Variants in MPP7 observed in about 807,000 individuals in gnomAD.
MPP7 encodes MAGUK p55 subfamily member 7.
MPP7 carries 60 observed loss-of-function variants against 76.5 expected under a neutral mutation model. The observed-to-expected ratio is 0.78, with a 90% CI of 0.64 to 0.97. The LOEUF (loss-of-function observed/expected upper bound fraction) is 0.97, where lower values mean the gene tolerates loss of function less well. Among genes scored for constraint, MPP7 ranks in the 50% least tolerant of loss-of-function variants. The pLI is 0.00. For synonymous variants in MPP7, 237 were observed against 244.5 expected, an observed-to-expected ratio of 0.97 and a Z score of 0.29; for missense variants, 641 against 694.0, an observed-to-expected ratio of 0.92 and a Z score of 0.86.
At chr10:28,325,099 G>T (rs766177322) in intron 2 of MPP7, among the ~76,000 whole-genome samples, 2 of 152,052 alleles carry the variant, frequency 1.3e-5, no homozygotes, top group African/African-American at 2.4e-5. Context: ...CCACTATATT[G>T]CCCAGGCTGG....
chr10:28,219,060 T>C (rs2134054291), intron 2 of MPP7, among the ~76,000 whole-genome samples: 1 of 152,344 alleles, frequency 6.6e-6, no homozygotes, highest in African/African-American at 2.4e-5. Context: ...GATGACAAAG[T>C]ACGGAGCATA....
intron 6 of MPP7, 24 bp downstream of exon 6, chr10:28,131,536 T>C: frequency 6.4e-7 from 1 of 1,558,656 alleles, no homozygotes; most frequent in Non-Finnish European, 8.7e-7. Flanking sequence ...TGGTATCTAC[T>C]CATATCTGAG....
intron 1 of MPP7, among the ~76,000 whole-genome samples, chr10:28,330,261 A>C (rs1457964356): frequency 6.6e-6 from 1 of 152,202 alleles, no homozygotes. Flanking sequence ...TCAAAACTGA[A>C]CTGTGCAATG....
At chr10:28,119,770 A>C in intron 10 of MPP7, 55 bp from the exon 11 acceptor site, 1 of 1,354,630 alleles carries the variant, frequency 7.4e-7, no homozygotes, top group South Asian at 1.2e-5. Context: ...TCCGAGGTGA[A>C]TACAATATCA....
intron 1 of MPP7, among the ~76,000 whole-genome samples, chr10:28,330,918 C>G (rs1834465116): frequency 6.6e-6 from 1 of 152,164 alleles, no homozygotes; most frequent in African/African-American, 2.4e-5. Flanking sequence ...GCCTCAGCCT[C>G]CCAAAATGCC....
chr10:28,133,872 G>A lies in MPP7; in HGVS notation c.316-2181C>T, dbSNP rs567896262. Among the ~76,000 whole-genome samples, 8 of 152,084 alleles carry A rather than the reference G, an allele frequency of 5.3e-5. 2 individuals carry two copies. In the Middle Eastern group the frequency reaches 0.02, roughly 388 times the overall value. ...TAAGTTAGTGAAATTCACCCATGCT[G>A]TTACTTATGGTAGAAGGAATTCATT... On this transcript the variant is annotated intron_variant, in intron 5 of 16. Coordinates refer to ENST00000683449, the MANE Select transcript of MPP7 (RefSeq NM_001318170.2).
chr10:28,229,749 C>T (rs536631972), intron 2 of MPP7, among the ~76,000 whole-genome samples: 139 of 152,052 alleles, frequency 9.1e-4, no homozygotes, highest in Middle Eastern at 3.4e-3. Context: ...ATTAGCCAGG[C>T]GTGGTGGCAG....
intron 2 of MPP7, among the ~76,000 whole-genome samples, chr10:28,321,272 G>C (rs1043043223): frequency 6.6e-6 from 1 of 152,188 alleles, no homozygotes; most frequent in African/African-American, 2.4e-5. Context: ...GACACCAAAT[G>C]AGAAAAGCTC....
At chr10:28,189,804 TG>T (rs1452547146) in intron 3 of MPP7, among the ~76,000 whole-genome samples, 1 of 152,054 alleles carries the variant, frequency 6.6e-6, no homozygotes, top group Admixed American at 6.6e-5. Context: ...GTTGTAAATA[TG>T]GTAAATATTA....
chr10:28,098,184 G>A (rs1853656584), intron 11 of MPP7, among the ~76,000 whole-genome samples: 2 of 151,928 alleles, frequency 1.3e-5, no homozygotes, highest in Admixed American at 1.3e-4. Flanking sequence ...AAACTTGGAA[G>A]TAACCAAGAT....
chr10:28,315,703 TCCATCCTC>T (rs1834314223), intron 2 of MPP7, among the ~76,000 whole-genome samples: 1 of 152,140 alleles, frequency 6.6e-6, no homozygotes, highest in African/African-American at 2.4e-5. Flanking sequence ...ATGTAAATAC[TCCATCCTC>T]AGAGAGGTGA....
At chr10:28,098,137 T>C (rs1026454326) in intron 11 of MPP7, among the ~76,000 whole-genome samples, 1 of 152,102 alleles carries the variant, frequency 6.6e-6, no homozygotes, top group Non-Finnish European at 1.5e-5. Flanking sequence ...ACCTATACTA[T>C]AATTTCAAAT....
intron 11 of MPP7, among the ~76,000 whole-genome samples, chr10:28,104,282 A>G (rs1047298583): frequency 1.3e-5 from 2 of 152,224 alleles, no homozygotes; most frequent in African/African-American, 4.8e-5. Context: ...ACTGATGAAT[A>G]ACCCAACAAG....
chr10:28,194,325 A>G (rs1837510350), intron 3 of MPP7, among the ~76,000 whole-genome samples: 1 of 152,180 alleles, frequency 6.6e-6, no homozygotes, highest in African/African-American at 2.4e-5. Context: ...GCAGTTTCTT[A>G]AAAAGCTAGT....
chr10:28,173,494 A>G (rs912676303), intron 3 of MPP7, among the ~76,000 whole-genome samples: 18 of 152,222 alleles, frequency 1.2e-4, no homozygotes, highest in African/African-American at 4.3e-4. Context: ...CAGTAACATG[A>G]GGCATTTCTA....
rs143605609 is a variant in MPP7 at position 28,323,632 on chromosome 10, G to T, written c.-132+6297C>A. On this transcript the variant is annotated intron_variant, in intron 2 of 11. Coordinates refer to the MPP7 transcript ENST00000441595. Reference sequence around the variant, plus strand: ...GGCTAAGGTGAAGGGATCACGTGAGGCCAGGAGTTCTAGACCAGCTTGGGC... The same window carrying T: ...GGCTAAGGTGAAGGGATCACGTGAGTCCAGGAGTTCTAGACCAGCTTGGGC... Among the ~76,000 whole-genome samples the T allele has an allele frequency of 2.1e-3, 326 of 152,178 alleles. 1 individual carries two copies. Among genetic ancestry groups the T allele is most frequent in the African/African-American group, 7.5e-3 (311 of 41,506 alleles).
intron 12 of MPP7, among the ~76,000 whole-genome samples, chr10:28,077,251 C>A (rs1034571818): frequency 6.6e-6 from 1 of 152,122 alleles, no homozygotes; most frequent in Non-Finnish European, 1.5e-5. Context: ...AGCAAGCTCA[C>A]GACACCCATG....
chr10:28,235,662 T>C (rs763726352), intron 2 of MPP7, among the ~76,000 whole-genome samples: 1 of 152,178 alleles, frequency 6.6e-6, no homozygotes, highest in Non-Finnish European at 1.5e-5. Context: ...TAAAAACAAA[T>C]CTTTAAGATA....
intron 11 of MPP7, among the ~76,000 whole-genome samples, chr10:28,106,295 A>C (rs973464592): frequency 6.6e-5 from 10 of 152,204 alleles, no homozygotes; most frequent in African/African-American, 2.4e-4. Context: ...CAGAGAACTT[A>C]CCAGGATACC....
Sources: allele counts gnomAD v4.1 joint callset (sites outside exome capture counted in the v4.1 genomes callset), GRCh38; gene constraint gnomAD v4.1.1; transcripts MANE v1.5; gene names NCBI Gene and HGNC (gene_info 2026-07-23, HGNC 2026-07-21).